The following ITSN2 variants were observed in gnomAD, a reference collection of about 807,000 sequenced individuals.
ITSN2 encodes the protein intersectin 2, also known as intersectin-2.
Under a neutral mutation model 243.7 loss-of-function variants are expected in ITSN2, and 156 were observed. That is an observed-to-expected ratio of 0.64 (90% CI 0.56 to 0.73). The LOEUF is 0.73. Among genes scored for constraint, ITSN2 ranks in the 30% least tolerant of loss-of-function variants. The pLI, the probability that ITSN2 is intolerant of heterozygous loss-of-function variation, is 0.00. For synonymous variants in ITSN2, 703 were observed against 699.9 expected, an observed-to-expected ratio of 1.00 and a Z score of -0.07; for missense variants, 1,801 against 1,996.1, an observed-to-expected ratio of 0.90 and a Z score of 1.86.
intron 20 of ITSN2, 50 bp downstream of exon 20, chr2:24,270,621 T>C: frequency 1.2e-6 from 1 of 843,318 alleles, no homozygotes; most frequent in Non-Finnish European, 2.0e-6. Context: ...AACTAATATA[T>C]TACAATGTAT....
At chr2:24,244,544 C>G (rs962160312) in intron 29 of ITSN2, among the ~76,000 whole-genome samples, 2 of 152,176 alleles carry the variant, frequency 1.3e-5, no homozygotes, top group East Asian at 1.9e-4. Flanking sequence ...CACCGGCATG[C>G]CTTCAGGGAT....
At chr2:24,212,190 CTATT>C in intron 33 of ITSN2, among the ~76,000 whole-genome samples, 1 of 152,290 alleles carries the variant, frequency 6.6e-6, no homozygotes, top group Non-Finnish European at 1.5e-5. Flanking sequence ...CAAATGAACT[CTATT>C]TATGATGTGC....
chr2:24,301,182 T>C lies in ITSN2; in HGVS notation c.1053A>G (p.Gln351=). The change falls in exon 11 of 40, where the codon CAA becomes CAG. Residue 351 remains glutamine (Q), a synonymous_variant. Coordinates refer to ENST00000355123, the MANE Select transcript of ITSN2 (RefSeq NM_006277.3). ...NGTLPSYQKM[Q]EEEPQKKLPV... ...GTAATTTCTTCTGAGGCTCCTCTTCTTGCATTTTCTGATATGAAGGCAGAG... is the reference window on the plus strand; with the variant it reads ...GTAATTTCTTCTGAGGCTCCTCTTCCTGCATTTTCTGATATGAAGGCAGAG... 6.2e-7 allele frequency: 1 copy of C among 1,608,338 alleles called. No homozygotes were observed. Among genetic ancestry groups the C allele is most frequent in the Non-Finnish European group, 8.5e-7 (1 of 1,176,342 alleles).
chr2:24,258,932 C>T (rs1675421985), intron 22 of ITSN2, among the ~76,000 whole-genome samples: 1 of 152,172 alleles, frequency 6.6e-6, no homozygotes, highest in Non-Finnish European at 1.5e-5. Context: ...TTGATGGCTC[C>T]TCTTTTGTCC....
At chr2:24,281,397 C>G (rs1167458965) in intron 17 of ITSN2, among the ~76,000 whole-genome samples, 1 of 152,178 alleles carries the variant, frequency 6.6e-6, no homozygotes, top group African/African-American at 2.4e-5. Context: ...TTTATTAACA[C>G]CCCTTCCTCT....
intron 23 of ITSN2, 103 bp from the exon 24 acceptor site, chr2:24,254,534 G>A: frequency 1.2e-6 from 1 of 804,336 alleles, no homozygotes; most frequent in Non-Finnish European, 2.1e-6. Flanking sequence ...ATTTTTTAGG[G>A]CTTTCTCAAA....
chr2:24,261,628 C>T lies in ITSN2; in HGVS notation c.2470G>A (p.Ala824Thr). Reference protein sequence around the residue: ...EKMPSSENEKAVSPKKALLPP... With the variant: ...EKMPSSENEKTVSPKKALLPP... ...AGTAAGGCCTTCTTTGGAGATACAGCTTTTTCATTTTCACTTGATGGCATT... is the reference window on the plus strand; with the variant it reads ...AGTAAGGCCTTCTTTGGAGATACAGTTTTTTCATTTTCACTTGATGGCATT... Residue 824 changes from alanine to threonine, a missense_variant, in exon 21 of 40, where the codon GCT becomes ACT. Physicochemically the swap from Ala to Thr is moderately conservative, Grantham distance 58 (BLOSUM62 0). Coordinates refer to ENST00000355123, the MANE Select transcript of ITSN2 (RefSeq NM_006277.3). The T allele has an allele frequency of 1.9e-6, 3 of 1,613,546 alleles. No homozygotes were observed. Among genetic ancestry groups the T allele is most frequent in the Non-Finnish European group, 2.5e-6 (3 of 1,179,614 alleles).
intron 29 of ITSN2, among the ~76,000 whole-genome samples, chr2:24,231,569 G>C (rs138108437): frequency 4.0e-4 from 61 of 152,370 alleles, no homozygotes; most frequent in African/African-American, 1.3e-3. Context: ...ACTGTGGGAG[G>C]ATGTGGAGAC....
Position 24,295,762 on chromosome 2 carries a change from G to A in ITSN2, c.1537C>T (p.Arg513Ter). The change falls in exon 14 of 40, where the codon CGA becomes TGA. Residue 513 changes from arginine (R) to a stop codon, truncating the protein, a stop_gained. Transcript: ENST00000355123. LOFTEE classifies it high-confidence loss of function. ...QQISGRLQDV[R>*]LKKQTQKTEL... ...GTCTTTTGAGTTTGCTTTTTGAGTCGGACATCCTGAAGTCTGCCTGAGATC... is the reference window on the plus strand; with the variant it reads ...GTCTTTTGAGTTTGCTTTTTGAGTCAGACATCCTGAAGTCTGCCTGAGATC... 2.6e-6 allele frequency: 4 copies of A among 1,563,562 alleles called. No individual in the cohort carries two copies. Among genetic ancestry groups the A allele is most frequent in the Non-Finnish European group, 3.4e-6 (4 of 1,160,102 alleles).
rs1275035112 is a variant in ITSN2, at chr2:24,251,309, C to CAAAAAAAAAATAAAAAAAAAAAA, written c.3120+1035_3120+1036insTTTTTTTTTTTTATTTTTTTTTT. 4.5e-4 allele frequency among the ~76,000 whole-genome samples: 10 copies of CAAAAAAAAAATAAAAAAAAAAAA among 22,012 alleles called. 5 individuals carry two copies. Among genetic ancestry groups the CAAAAAAAAAATAAAAAAAAAAAA allele is most frequent in the South Asian group, 3.2e-3 (2 of 624 alleles). 14.4% of individuals were successfully genotyped at this position (22,012 alleles called of 152,430 possible). On this transcript the variant is annotated intron_variant, in intron 25 of 39. Coordinates refer to ENST00000355123, the MANE Select transcript of ITSN2 (RefSeq NM_006277.3). ...TGGGCAACAGAACTAAACTCCATCT[C>CAAAAAAAAAATAAAAAAAAAAAA]AAAAAAAAAAAAAAATAAAATATAT...
Position 24,356,194 on chromosome 2 carries a change from C to T in ITSN2, c.-34+4110G>A, listed in dbSNP as rs1394037194. On this transcript the variant is annotated intron_variant, in intron 1 of 39. Transcript: ENST00000355123. ...TCCAGCCTGGGGGACAAGAGCGAGA[C>T]TCCATCTCAAAAAAAAAAAAAATAG... Among the ~76,000 whole-genome samples, 5 of 88,940 alleles carry T rather than the reference C, an allele frequency of 5.6e-5. No homozygotes were observed. In the East Asian group the frequency reaches 1.0e-3, roughly 18 times the overall value. The allele number at this position is 88,940 out of a possible 152,430, so 58.3% of individuals were successfully genotyped here.
At chr2:24,309,439 A>C (rs1682974311) in intron 7 of ITSN2, among the ~76,000 whole-genome samples, 1 of 152,186 alleles carries the variant, frequency 6.6e-6, no homozygotes, top group South Asian at 2.1e-4. Flanking sequence ...AGCTCAGGCA[A>C]TCCGCCCACC....
chr2:24,301,511 A>G (rs1387691303), intron 10 of ITSN2, among the ~76,000 whole-genome samples: 1 of 151,904 alleles, frequency 6.6e-6, no homozygotes, highest in African/African-American at 2.4e-5. Flanking sequence ...TAACATAATG[A>G]AAACACATCC....
chr2:24,208,883 G>T (rs1445343674), intron 36 of ITSN2, among the ~76,000 whole-genome samples: 1 of 152,228 alleles, frequency 6.6e-6, no homozygotes, highest in Non-Finnish European at 1.5e-5. Context: ...AGGCTGCTGA[G>T]TGGTGTGGGG....
intron 25 of ITSN2, among the ~76,000 whole-genome samples, chr2:24,250,831 G>GA (rs577246102): frequency 6.8e-5 from 10 of 146,738 alleles, no homozygotes; most frequent in South Asian, 2.1e-4. Context: ...TACTTCAACC[G>GA]AAAAAAAAAA....
At chr2:24,212,789 C>T (rs547012519) in intron 32 of ITSN2, 41 bp from the exon 33 acceptor site, 64 of 1,460,594 alleles carry the variant, frequency 4.4e-5, no homozygotes, top group East Asian at 9.1e-5. Context: ...ATCACAGCTC[C>T]GATCACAGGA....
Position 24,332,845 on chromosome 2 carries a change from C to G in ITSN2, c.-33-4730G>C, listed in dbSNP as rs576071058. Among the ~76,000 whole-genome samples, 174 of 152,278 alleles carry G rather than the reference C, an allele frequency of 1.1e-3. No homozygotes were observed. The Middle Eastern group carries it at 0.014, about 12-fold the overall frequency. On this transcript the variant is annotated intron_variant, in intron 1 of 39. Coordinates refer to ENST00000355123, the MANE Select transcript of ITSN2 (RefSeq NM_006277.3). ...AAAGCAATTAATAAATTAACATTTA[C>G]TGTTTACCATTAATTCAATACACTT...
In ITSN2 at chr2:24,224,253, A is replaced by G. The variant is rs74639494; in HGVS notation, c.3578-3187T>C. Among the ~76,000 whole-genome samples the G allele has an allele frequency of 1.3e-4, 20 of 152,314 alleles. No homozygotes were observed. In the East Asian group the frequency reaches 3.5e-3, roughly 26 times the overall value. On this transcript the variant is annotated intron_variant, in intron 29 of 39. Transcript: ENST00000355123. The stretch of plus-strand genomic sequence containing the variant: ...CTTTCAAGACTTTTGCCATATCCAC[A>G]TTCCATCTCTATTATTATTTACTTA...
In ITSN2 at chr2:24,261,355, A is replaced by G. The variant is rs557103138; in HGVS notation, c.2538-105T>C. ...ATTATATACACTGTGCTTACACACAATTTGTGGGAAAAGAAATAATTATTA... is the reference window on the plus strand; with the variant it reads ...ATTATATACACTGTGCTTACACACAGTTTGTGGGAAAAGAAATAATTATTA... On this transcript the variant is annotated intron_variant, in intron 21 of 39. Transcript: ENST00000355123. The G allele has an allele frequency of 5.4e-5, 51 of 939,224 alleles. 1 individual carries two copies. The East Asian group carries it at 1.2e-3, about 22-fold the overall frequency. The allele number at this position is 939,224 out of a possible 1,614,324, so 58.2% of individuals were successfully genotyped here.
Sources: allele counts gnomAD v4.1 joint callset (sites outside exome capture counted in the v4.1 genomes callset), GRCh38; gene constraint gnomAD v4.1.1; transcripts MANE v1.5; gene names NCBI Gene and HGNC (gene_info 2026-07-23, HGNC 2026-07-21).